CNOT6: variants seen among roughly 807,000 people sequenced by gnomAD.
CNOT6 encodes the protein CCR4-NOT transcription complex subunit 6, also known as carbon catabolite repression 4 protein.
A neutral mutation model predicts 61.2 loss-of-function variants in CNOT6; 12 were observed. The ratio of observed to expected loss-of-function variants is 0.20; its 90% CI spans 0.13 to 0.32. The LOEUF (loss-of-function observed/expected upper bound fraction) is 0.32. CNOT6 is among the 10% of genes least tolerant of loss of function. The probability of loss-of-function intolerance (pLI) is 1.00; values close to 1 mark genes in which losing one functional copy is unlikely to be tolerated. For missense variants in CNOT6, 405 were observed against 663.9 expected (o/e 0.61, Z 4.28); for synonymous variants, 225 against 240.6 (o/e 0.94, Z 0.60).
chr5:180,552,170 G>A (rs1252510372), intron 3 of CNOT6, among the ~76,000 whole-genome samples: 6 of 149,870 alleles, frequency 4.0e-5, no homozygotes, highest in Middle Eastern at 3.2e-3. Context: ...TGCCCAGCCC[G>A]AGGGACCTCC....
At chr5:180,567,691 T>C (rs992988827) in intron 8 of CNOT6, among the ~76,000 whole-genome samples, 158 bp from the exon 9 acceptor site, 4 of 152,216 alleles carry the variant, frequency 2.6e-5, no homozygotes. Flanking sequence ...TTTAAATGGA[T>C]GTGGGAAGCT....
At chr5:180,563,923 T>C (rs1004864062) in intron 4 of CNOT6, among the ~76,000 whole-genome samples, 1 of 148,310 alleles carries the variant, frequency 6.7e-6, no homozygotes, top group African/African-American at 2.5e-5. Flanking sequence ...AGATGGCTCA[T>C]GGCCCTGGGA....
intron 2 of CNOT6, among the ~76,000 whole-genome samples, chr5:180,548,760 G>T (rs1427362642): frequency 1.3e-5 from 2 of 152,118 alleles, no homozygotes; most frequent in Non-Finnish European, 1.5e-5. Context: ...TTTAGTTCCT[G>T]TTACTCTTAT....
intron 1 of CNOT6, 62 bp from the exon 2 acceptor site, chr5:180,529,213 A>AAAAAT: frequency 6.5e-6 from 5 of 766,374 alleles, no homozygotes; most frequent in African/African-American, 1.9e-5. Flanking sequence ...AAAAAAAAAA[A>AAAAAT]GGTGTTGTGG....
At chr5:180,549,846 A>G in intron 2 of CNOT6, 85 bp from the exon 3 acceptor site, 1 of 1,051,490 alleles carries the variant, frequency 9.5e-7, no homozygotes, top group South Asian at 1.6e-5. Flanking sequence ...AGTTACTCAT[A>G]AAAACATCTA....
At position 180,494,480 on chromosome 5, in the gene CNOT6, G is replaced by GT; in HGVS notation, c.-286_-285insT. ...CGTCGGTGGCGGCGGCGACGGCGGC[G>GT]CGGAGGCGAAGGCAGCGGCGGGCGC... On this transcript the variant is annotated 5_prime_UTR_variant, in exon 1 of 12. The change abolishes the stop of an existing upstream ORF in the 5' untranslated region. Transcript: ENST00000261951. 1 of 156,464 alleles carries GT rather than the reference G, an allele frequency of 6.4e-6. No individual in the cohort carries two copies. Among genetic ancestry groups the GT allele is most frequent in the South Asian group, 1.7e-4 (1 of 5,726 alleles). The allele number at this position is 156,464 out of a possible 1,614,324, so 9.7% of individuals were successfully genotyped here.
intron 2 of CNOT6, among the ~76,000 whole-genome samples, chr5:180,537,554 C>G (rs899923297): frequency 6.6e-6 from 1 of 151,956 alleles, no homozygotes; most frequent in Non-Finnish European, 1.5e-5. Flanking sequence ...AAATATCTCC[C>G]GGTCTGTGGG....
chr5:180,513,556 T>A (rs1438835865), intron 1 of CNOT6, among the ~76,000 whole-genome samples: 1 of 150,632 alleles, frequency 6.6e-6, no homozygotes, highest in African/African-American at 2.4e-5. Context: ...GTATTTTTAG[T>A]AGAGACAGGG....
chr5:180,509,828 G>GT (rs10707986), intron 1 of CNOT6, among the ~76,000 whole-genome samples: 5,329 of 120,802 alleles, frequency 0.044, 145 homozygotes, highest in African/African-American at 0.067. Flanking sequence ...ATACCTTGGT[G>GT]TTTTTTTTTT....
At chr5:180,563,042 A>C (rs1197937426) in intron 4 of CNOT6, among the ~76,000 whole-genome samples, 1 of 152,142 alleles carries the variant, frequency 6.6e-6, no homozygotes, top group Non-Finnish European at 1.5e-5. Flanking sequence ...TAATTCTTAG[A>C]ATCCTAGAAT....
At chr5:180,522,980 G>C (rs975881160) in intron 1 of CNOT6, among the ~76,000 whole-genome samples, 1 of 152,174 alleles carries the variant, frequency 6.6e-6, no homozygotes, top group Non-Finnish European at 1.5e-5. Context: ...CTTTATAGCC[G>C]GTCATCAGAA....
At chr5:180,497,356 T>G (rs1458196091) in intron 1 of CNOT6, among the ~76,000 whole-genome samples, 2 of 151,432 alleles carry the variant, frequency 1.3e-5, no homozygotes, top group East Asian at 3.9e-4. Context: ...TGCATTTTGG[T>G]GAATGCTTAG....
intron 2 of CNOT6, among the ~76,000 whole-genome samples, chr5:180,542,829 C>T (rs1451602846): frequency 6.6e-6 from 1 of 152,084 alleles, no homozygotes; most frequent in African/African-American, 2.4e-5. Context: ...AAAGTAAATG[C>T]AAGTTTTTGG....
At position 180,554,558 on chromosome 5, in the gene CNOT6, G is replaced by A. The variant is rs554394301; in HGVS notation, c.385+1087G>A. Among the ~76,000 whole-genome samples, 9 of 151,550 alleles carry A rather than the reference G, an allele frequency of 5.9e-5. No homozygotes were observed. In the East Asian group the frequency reaches 1.4e-3, roughly 23 times the overall value. On this transcript the variant is annotated intron_variant, in intron 4 of 11. Coordinates refer to ENST00000261951, the MANE Select transcript of CNOT6 (RefSeq NM_001370472.1). ...TAGAAATATATGTTTTAAAATGTAC[G>A]GAAAGTCATATTCAACAGATATCAA...
intron 2 of CNOT6, among the ~76,000 whole-genome samples, chr5:180,530,865 A>T (rs1387013279): frequency 8.5e-5 from 13 of 152,324 alleles, no homozygotes; most frequent in Admixed American, 7.8e-4. Context: ...CACATGTTTC[A>T]GAGAGCACGG....
intron 1 of CNOT6, among the ~76,000 whole-genome samples, chr5:180,521,743 T>C (rs543017663): frequency 8.5e-5 from 13 of 152,312 alleles, no homozygotes; most frequent in African/African-American, 2.9e-4. Context: ...ATTGTTCCCA[T>C]GTTTGTGTCC....
rs546273974 is a variant in CNOT6 at position 180,499,208 on chromosome 5, GTT to G, written c.-3+4448_-3+4449del. On this transcript the variant is annotated intron_variant, in intron 1 of 11. Transcript: ENST00000261951. ...TCATTTAAAATCAAAGTGTCAGTAT[GTT>G]TTGGAAGAAGTTAAAAGCAGTCAAA... 9.1e-4 allele frequency among the ~76,000 whole-genome samples: 139 copies of G among 152,320 alleles called. 1 individual carries two copies. The highest frequency in any genetic ancestry group is 1.6e-3 in the Non-Finnish European group (111 of 68,032).
At chr5:180,567,744 C>G (rs1266728964) in intron 8 of CNOT6, 105 bp from the exon 9 acceptor site, 5 of 1,465,086 alleles carry the variant, frequency 3.4e-6, no homozygotes, top group Non-Finnish European at 4.7e-6. Flanking sequence ...GATTTAAGTG[C>G]CATCGTATCT....
At chr5:180,500,917 T>C (rs1756841748) in intron 1 of CNOT6, among the ~76,000 whole-genome samples, 1 of 151,976 alleles carries the variant, frequency 6.6e-6, no homozygotes, top group Admixed American at 6.6e-5. Context: ...GTCTTTAAGC[T>C]GGATTTTAAA....
Sources: allele counts gnomAD v4.1 joint callset (sites outside exome capture counted in the v4.1 genomes callset), GRCh38; gene constraint gnomAD v4.1.1; transcripts MANE v1.5; gene names NCBI Gene and HGNC (gene_info 2026-07-23, HGNC 2026-07-21).